The following NRF1 variants were observed in gnomAD, a reference collection of about 807,000 sequenced individuals.
The protein encoded by NRF1 is nuclear respiratory factor 1.
NRF1 carries 5 observed loss-of-function variants against 58.5 expected under a neutral mutation model. The observed-to-expected ratio is 0.09, with a 90% CI of 0.04 to 0.18. NRF1 has a LOEUF of 0.18. Among genes scored for constraint, NRF1 ranks in the 10% least tolerant of loss-of-function variants. The pLI is 1.00. For synonymous variants in NRF1, 224 were observed against 246.7 expected, an observed-to-expected ratio of 0.91 and a Z score of 0.86; for missense variants, 288 against 657.7, an observed-to-expected ratio of 0.44 and a Z score of 6.15.
chr7:129,627,377 AT>A (rs1205054863), intron 1 of NRF1, among the ~76,000 whole-genome samples: 3 of 148,156 alleles, frequency 2.0e-5, no homozygotes, highest in Admixed American at 6.7e-5. Flanking sequence ...ATGCTTGGCC[AT>A]TTTTTTTTCT....
At chr7:129,704,795 A>G (rs367603415) in intron 5 of NRF1, among the ~76,000 whole-genome samples, 1 of 152,234 alleles carries the variant, frequency 6.6e-6, no homozygotes, top group Non-Finnish European at 1.5e-5. Context: ...AATTTTCCAC[A>G]TGTGACACTT....
chr7:129,690,282 G>A (rs1802534403), intron 4 of NRF1, 124 bp from the exon 5 acceptor site: 9 of 817,074 alleles, frequency 1.1e-5, no homozygotes, highest in Non-Finnish European at 1.8e-5. Context: ...GCTTGTAGAA[G>A]TGTTTGTTTT....
At chr7:129,659,801 A>C (rs922119270) in intron 2 of NRF1, among the ~76,000 whole-genome samples, 3 of 151,984 alleles carry the variant, frequency 2.0e-5, no homozygotes, top group Non-Finnish European at 4.4e-5. Context: ...CCAGTTACTT[A>C]TGTTAGTCTT....
Position 129,690,456 on chromosome 7 carries a change from A to G in NRF1, c.516A>G (p.Ala172=), listed in dbSNP as rs369748385. ...MILEDLESAL[A]EHAPAPQEVN... ...TGGAAGACCTGGAGTCTGCTCTGGC[A>G]GAACACGCCCCTGCGCCACAGGAGG... The change falls in exon 5 of 11, where the codon GCA becomes GCG. Residue 172 remains alanine (A), a synonymous_variant. Transcript: ENST00000393232. 120 of 1,614,072 alleles carry G rather than the reference A, an allele frequency of 7.4e-5. No individual in the cohort carries two copies. Among genetic ancestry groups the G allele is most frequent in the Non-Finnish European group, 9.0e-5 (106 of 1,180,042 alleles).
At chr7:129,618,599 G>A (rs1218084501) in intron 1 of NRF1, among the ~76,000 whole-genome samples, 2 of 152,170 alleles carry the variant, frequency 1.3e-5, no homozygotes, top group African/African-American at 4.8e-5. Flanking sequence ...GGAGGCTGAG[G>A]CTGGAGTATG....
At position 129,677,988 on chromosome 7, in the gene NRF1, G is replaced by A. The variant is rs1051340781; in HGVS notation, c.465+230G>A. On this transcript the variant is annotated intron_variant, in intron 4 of 10. Coordinates refer to ENST00000393232, the MANE Select transcript of NRF1 (RefSeq NM_005011.5). ...ACCTCCCCAGATGCAATGGGTGGCC[G>A]GGGGAAGGGGGGAGGGGGCGGGGAA... Among the ~76,000 whole-genome samples the A allele has an allele frequency of 7.9e-5, 12 of 152,060 alleles. No homozygotes were observed. In the East Asian group the frequency reaches 1.5e-3, roughly 20 times the overall value.
chr7:129,615,773 A>C (rs1800646442), intron 1 of NRF1, among the ~76,000 whole-genome samples: 1 of 152,180 alleles, frequency 6.6e-6, no homozygotes, highest in Admixed American at 6.5e-5. Context: ...AGGGTGGATT[A>C]CCCACTTTCT....
chr7:129,711,427 G>A (rs1281749020), intron 7 of NRF1, 48 bp from the exon 8 acceptor site: 2 of 1,417,312 alleles, frequency 1.4e-6, no homozygotes, highest in Admixed American at 3.8e-5. Flanking sequence ...TAAAGAGGTG[G>A]AAGGATCCAT....
chr7:129,624,289 A>G (rs1196298558), intron 1 of NRF1, among the ~76,000 whole-genome samples: 2 of 152,134 alleles, frequency 1.3e-5, no homozygotes, highest in South Asian at 2.1e-4. Context: ...ATTTGTTTGC[A>G]TATTGCTTGA....
Position 129,690,420 on chromosome 7 carries a change from G to T in NRF1, c.480G>T (p.Lys160Asn). The T allele has an allele frequency of 6.2e-7, 1 of 1,613,986 alleles. No individual in the cohort carries two copies. Among genetic ancestry groups the T allele is most frequent in the Non-Finnish European group, 8.5e-7 (1 of 1,179,928 alleles). Reference sequence around the variant, plus strand: ...ATTCCCTGCAGGTGCGTAAGTACAAGAGCATGATCCTGGAAGACCTGGAGT... The same window carrying T: ...ATTCCCTGCAGGTGCGTAAGTACAATAGCATGATCCTGGAAGACCTGGAGT... ...APLENVVRKY[K>N]SMILEDLESA... Residue 160 changes from lysine (K) to asparagine (N), a missense_variant, in exon 5 of 11, where the codon AAG becomes AAT. Around this residue, in one of 3 missense-constraint regions of NRF1, gnomAD observed 212 missense variants for 559.7 expected, o/e 0.38. Transcript: ENST00000393232.
At chr7:129,704,992 C>T (rs1340757642) in intron 5 of NRF1, among the ~76,000 whole-genome samples, 1 of 151,732 alleles carries the variant, frequency 6.6e-6, no homozygotes, top group Non-Finnish European at 1.5e-5. Flanking sequence ...AAAAAAGAAA[C>T]AGCTTTTTCT....
chr7:129,615,132 G>A (rs1441777917), intron 1 of NRF1, among the ~76,000 whole-genome samples: 2 of 152,156 alleles, frequency 1.3e-5, no homozygotes, highest in African/African-American at 4.8e-5. Context: ...GGTTTCTGGA[G>A]GAACTATGAA....
At chr7:129,642,449 T>G (rs1470409827) in intron 1 of NRF1, among the ~76,000 whole-genome samples, 1 of 152,190 alleles carries the variant, frequency 6.6e-6, no homozygotes, top group Non-Finnish European at 1.5e-5. Flanking sequence ...CAGGGAATGC[T>G]CTGTAGACAT....
At chr7:129,618,443 C>G (rs13244638) in intron 1 of NRF1, among the ~76,000 whole-genome samples, 45,052 of 152,132 alleles carry the variant, frequency 0.3, 8,314 homozygotes, top group Non-Finnish European at 0.42. Context: ...CACCTGTAAT[C>G]CTAACACTTT....
intron 10 of NRF1, among the ~76,000 whole-genome samples, chr7:129,740,619 T>C (rs1398424140): frequency 6.6e-6 from 1 of 152,224 alleles, no homozygotes; most frequent in Admixed American, 6.5e-5. Flanking sequence ...CAGGGTTCTT[T>C]GGTGCTTTTC....
intron 1 of NRF1, among the ~76,000 whole-genome samples, chr7:129,634,619 T>G (rs760157565): frequency 6.6e-6 from 1 of 152,240 alleles, no homozygotes; most frequent in Non-Finnish European, 1.5e-5. Context: ...GTTCAAGTTT[T>G]AGCAATTGTG....
intron 2 of NRF1, among the ~76,000 whole-genome samples, chr7:129,663,303 C>T (rs1051171815): frequency 1.3e-5 from 2 of 152,068 alleles, no homozygotes; most frequent in South Asian, 2.1e-4. Context: ...CCAGACGGGG[C>T]GGCCGAGCAG....
At chr7:129,729,300 C>T (rs941387989) in intron 10 of NRF1, among the ~76,000 whole-genome samples, 3 of 152,210 alleles carry the variant, frequency 2.0e-5, no homozygotes, top group African/African-American at 7.2e-5. Context: ...AAAGTTGAAC[C>T]ACACCCGCTA....
At position 129,752,715 on chromosome 7, in the gene NRF1, TAAAG is replaced by T. The variant is rs996715014; in HGVS notation, c.1349-2297_1349-2294del. Among the ~76,000 whole-genome samples, 16 of 151,848 alleles carry T rather than the reference TAAAG, an allele frequency of 1.1e-4. No homozygotes were observed. The South Asian group carries it at 1.2e-3, about 12-fold the overall frequency. ...TAAAAAAATAAAAAATAAATAATAA[TAAAG>T]AAAGATAATTTGAGTGACTGGGAAG... On this transcript the variant is annotated intron_variant, in intron 10 of 10. Coordinates refer to ENST00000393232, the MANE Select transcript of NRF1 (RefSeq NM_005011.5).
Sources: gnomAD v4.1 joint callset for allele counts (sites outside exome capture counted in the v4.1 genomes callset) on GRCh38, gnomAD v4.1.1 for gene constraint, gnomAD v4.1.1 regional missense constraint, MANE v1.5 for transcripts, NCBI Gene and HGNC (gene_info 2026-07-23, HGNC 2026-07-21) for gene names.